The following DNAJC11 variants were observed in gnomAD, a reference collection of about 807,000 sequenced individuals.
DNAJC11 encodes the protein DnaJ heat shock protein family (Hsp40) member C11, also known as dnaJ homolog subfamily C member 11.
In DNAJC11, 15 loss-of-function variants were observed where a neutral mutation model predicts 78.6. The ratio of observed to expected loss-of-function variants is 0.19; its 90% CI spans 0.13 to 0.29. DNAJC11 has a LOEUF of 0.29. DNAJC11 is among the 10% of genes least tolerant of loss of function. The pLI, the probability that DNAJC11 is intolerant of heterozygous loss-of-function variation, is 1.00. For missense variants in DNAJC11, 547 were observed against 709.6 expected (o/e 0.77, Z 2.60); for synonymous variants, 292 against 272.1 (o/e 1.07, Z -0.72).
chr1:6,651,475 G>A, intron 7 of DNAJC11, 54 bp downstream of exon 7: 2 of 1,481,170 alleles, frequency 1.4e-6, no homozygotes, highest in Non-Finnish European at 9.4e-7. Flanking sequence ...CACAGTTCTA[G>A]TCTCCTAAGC....
At chr1:6,678,235 CAA>C (rs1307030650) in intron 3 of DNAJC11, among the ~76,000 whole-genome samples, 157 bp downstream of exon 3, 1 of 152,168 alleles carries the variant, frequency 6.6e-6, no homozygotes, top group Non-Finnish European at 1.5e-5. Flanking sequence ...AAGCCAAGTC[CAA>C]AACTCAACCT....
At chr1:6,657,867 G>C (rs111805328) in intron 4 of DNAJC11, among the ~76,000 whole-genome samples, 3 of 152,280 alleles carry the variant, frequency 2.0e-5, no homozygotes, top group East Asian at 1.9e-4. Flanking sequence ...GGATGGTCTC[G>C]ATCTCCTGAC....
At chr1:6,699,584 C>T (rs115251980) in intron 1 of DNAJC11, among the ~76,000 whole-genome samples, 1,568 of 152,218 alleles carry the variant, frequency 0.01, 10 homozygotes, top group Non-Finnish European at 0.017. Context: ...AAAAGTATAA[C>T]TAGCCAGACA....
At chr1:6,660,995 T>C (rs1642203036) in intron 4 of DNAJC11, among the ~76,000 whole-genome samples, 1 of 152,234 alleles carries the variant, frequency 6.6e-6, no homozygotes, top group African/African-American at 2.4e-5. Flanking sequence ...ATTTTTTGGT[T>C]TCAAATCTTC....
At chr1:6,690,064 T>C (rs1374998734) in intron 1 of DNAJC11, among the ~76,000 whole-genome samples, 4 of 152,188 alleles carry the variant, frequency 2.6e-5, no homozygotes, top group African/African-American at 7.2e-5. Context: ...AAGTGACTTA[T>C]TGAAGATGGA....
Position 6,652,907 on chromosome 1 carries a change from G to A in DNAJC11, c.552C>T (p.Leu184=). 6.2e-7 allele frequency: 1 copy of A among 1,614,192 alleles called. No individual in the cohort carries two copies. The highest frequency in any genetic ancestry group is 8.5e-7 in the Non-Finnish European group (1 of 1,180,032). ...ATDTAILSGS[L]STQNGNGGGS... is the part of the protein sequence containing the mutation. ...CTCCTCCATTTCCATTCTGGGTTGA[G>A]AGGCTTCCAGAGAGGATGGCTGTGT... The change falls in exon 6 of 16, where the codon CTC becomes CTT. Residue 184 remains leucine (L), a synonymous_variant. Transcript: ENST00000377577.
chr1:6,635,489 C>G lies in DNAJC11; in HGVS notation c.*186G>C. ...TGGTTCCCAGTGGGGCTGCCTCAGT[C>G]CTACCCCCAGCACCCTCAAAAGCTG... is the stretch of plus-strand genomic sequence containing the variant. On this transcript the variant is annotated 3_prime_UTR_variant, in exon 16 of 16. Transcript: ENST00000377577. The G allele has an allele frequency of 1.6e-6, 1 of 640,302 alleles. No individual in the cohort carries two copies. The allele number at this position is 640,302 out of a possible 1,614,324, so 39.7% of individuals were successfully genotyped here. A position where few individuals can be genotyped will look rare whatever the true frequency, so the allele number is the denominator to read the frequency against.
intron 4 of DNAJC11, among the ~76,000 whole-genome samples, chr1:6,662,100 C>T (rs530898235): frequency 2.7e-4 from 40 of 149,304 alleles, no homozygotes; most frequent in African/African-American, 9.3e-4. Context: ...TACAGGAGCA[C>T]GCCACCATGC....
At chr1:6,656,132 C>T (rs1642123498) in intron 4 of DNAJC11, among the ~76,000 whole-genome samples, 1 of 140,298 alleles carries the variant, frequency 7.1e-6, no homozygotes, top group African/African-American at 2.6e-5. Context: ...ATTACAATCA[C>T]TGAAAATAAA....
chr1:6,688,891 T>C (rs1265121787), intron 1 of DNAJC11, among the ~76,000 whole-genome samples: 1 of 152,182 alleles, frequency 6.6e-6, no homozygotes, highest in Non-Finnish European at 1.5e-5. Context: ...CAGCAAACAT[T>C]TGTTAAGTAC....
Position 6,654,675 on chromosome 1 carries a change from T to C in DNAJC11, c.379-636A>G, listed in dbSNP as rs978359345. 7.2e-5 allele frequency among the ~76,000 whole-genome samples: 11 copies of C among 152,340 alleles called. No homozygotes were observed. The East Asian group carries it at 9.6e-4, about 13-fold the overall frequency. On this transcript the variant is annotated intron_variant, in intron 4 of 15. Coordinates refer to ENST00000377577, the MANE Select transcript of DNAJC11 (RefSeq NM_018198.4). ...TATTATTCTTTGATAGTCACAACTT[T>C]AAAAACGGACATTATCTTAATCCAG...
chr1:6,671,403 C>T lies in DNAJC11; in HGVS notation c.277-3593G>A, dbSNP rs566379907. 2.9e-4 allele frequency among the ~76,000 whole-genome samples: 44 copies of T among 151,956 alleles called. 3 individuals are homozygous for T. In the South Asian group the frequency reaches 8.3e-3, roughly 29 times the overall value. The stretch of plus-strand genomic sequence containing the variant: ...GACTACAGGCATCTGCCACCACGCC[C>T]GGCTAATTTTTTTTAGTAGAGACGG... On this transcript the variant is annotated intron_variant, in intron 3 of 15. Transcript: ENST00000377577.
Position 6,654,049 on chromosome 1 carries a change from A to G in DNAJC11, c.379-10T>C. 6.2e-7 allele frequency: 1 copy of G among 1,611,488 alleles called. No individual in the cohort carries two copies. The highest frequency in any genetic ancestry group is 8.5e-7 in the Non-Finnish European group (1 of 1,178,018). On this transcript the variant is annotated splice_polypyrimidine_tract_variant and intron_variant, in intron 4 of 15. Coordinates refer to ENST00000377577, the MANE Select transcript of DNAJC11 (RefSeq NM_018198.4). ...CAACGCTGATCGTTCCCTGGGGCAG[A>G]AAAACAAGCCGTCAGCAGAACGGGT...
intron 4 of DNAJC11, among the ~76,000 whole-genome samples, chr1:6,661,706 A>C (rs539153100): frequency 1.2e-4 from 19 of 152,264 alleles, no homozygotes; most frequent in African/African-American, 4.6e-4. Flanking sequence ...CATATGGCTT[A>C]AACAACCCTT....
At chr1:6,657,638 C>T (rs561938220) in intron 4 of DNAJC11, among the ~76,000 whole-genome samples, 9 of 152,180 alleles carry the variant, frequency 5.9e-5, no homozygotes, top group Non-Finnish European at 8.8e-5. Context: ...GATACATGCC[C>T]CAAATAATGA....
chr1:6,650,742 A>T (rs1049022551), intron 7 of DNAJC11, among the ~76,000 whole-genome samples: 4 of 152,026 alleles, frequency 2.6e-5, no homozygotes, highest in Non-Finnish European at 5.9e-5. Context: ...GTGTGGTGGC[A>T]CACGCCTGTA....
Position 6,698,182 on chromosome 1 carries a change from A to G in DNAJC11, c.72+3547T>C, listed in dbSNP as rs181010843. On this transcript the variant is annotated intron_variant, in intron 1 of 15. Coordinates refer to ENST00000377577, the MANE Select transcript of DNAJC11 (RefSeq NM_018198.4). Reference sequence around the variant, plus strand: ...GAAAACTCTCTGAACTCTACTGAACATTGAGAGTTTTGAGGACACTCTTTT... The same window carrying G: ...GAAAACTCTCTGAACTCTACTGAACGTTGAGAGTTTTGAGGACACTCTTTT... 1.5e-4 allele frequency among the ~76,000 whole-genome samples: 23 copies of G among 151,938 alleles called. No individual in the cohort carries two copies. In the East Asian group the frequency reaches 4.2e-3, roughly 28 times the overall value.
intron 4 of DNAJC11, among the ~76,000 whole-genome samples, chr1:6,660,649 C>T (rs1180671906): frequency 6.6e-6 from 1 of 152,200 alleles, no homozygotes; most frequent in African/African-American, 2.4e-5. Context: ...CCACCTCCAA[C>T]CCACAAAATT....
intron 9 of DNAJC11, 22 bp from the exon 10 acceptor site, chr1:6,644,696 T>C: frequency 6.3e-7 from 1 of 1,592,794 alleles, no homozygotes. Flanking sequence ...GAACGCGGTC[T>C]GTGCCTGTGC....
Sources: gnomAD v4.1 joint callset for allele counts (sites outside exome capture counted in the v4.1 genomes callset) on GRCh38, gnomAD v4.1.1 for gene constraint, MANE v1.5 for transcripts, NCBI Gene and HGNC (gene_info 2026-07-23, HGNC 2026-07-21) for gene names.